The following MAF variants were observed in gnomAD, a reference collection of about 807,000 sequenced individuals.
MAF encodes MAF bZIP transcription factor, also known as transcription factor Maf.
MAF carries 10 observed loss-of-function variants against 22.0 expected under a neutral mutation model. The observed-to-expected ratio is 0.45, with a 90% CI of 0.28 to 0.77. The LOEUF is 0.77. Among genes scored for constraint, MAF ranks in the 30% least tolerant of loss-of-function variants. MAF has a pLI of 0.12. For missense variants in MAF, 544 were observed against 548.4 expected (o/e 0.99, Z 0.08); for synonymous variants, 337 against 255.8 (o/e 1.32, Z -3.03).
At chr16:79,455,025 G>A in the MAF span, among the ~76,000 whole-genome samples, 1 of 151,784 alleles carries the variant, frequency 6.6e-6, no homozygotes, top group African/African-American at 2.4e-5. Context: ...GGACCCGGGA[G>A]GTGGAGGTTG....
chr16:79,461,194 G>A, the MAF span, among the ~76,000 whole-genome samples: 1 of 152,310 alleles, frequency 6.6e-6, no homozygotes, highest in Non-Finnish European at 1.5e-5. Flanking sequence ...GCAGATGGCT[G>A]TAGGATTTTG....
the MAF span, among the ~76,000 whole-genome samples, chr16:79,524,344 T>C: frequency 9.2e-5 from 14 of 152,332 alleles, no homozygotes; most frequent in Admixed American, 7.2e-4. Flanking sequence ...AACGCCTTCC[T>C]CTGGGACTGG....
chr16:79,522,186 G>A, the MAF span, among the ~76,000 whole-genome samples: 1 of 152,170 alleles, frequency 6.6e-6, no homozygotes, highest in African/African-American at 2.4e-5. Context: ...GGAGAGCCTG[G>A]GTTGAGATCA....
the MAF span, among the ~76,000 whole-genome samples, chr16:79,332,601 C>T: frequency 3.3e-5 from 5 of 152,190 alleles, no homozygotes; most frequent in Non-Finnish European, 7.4e-5. Flanking sequence ...GCCTGACTCA[C>T]AATAATAATT....
At chr16:79,453,256 C>A in the MAF span, among the ~76,000 whole-genome samples, 1 of 152,172 alleles carries the variant, frequency 6.6e-6, no homozygotes, top group Non-Finnish European at 1.5e-5. Flanking sequence ...AGGGACCAAT[C>A]CCATCTCTCC....
At chr16:79,559,255 G>A in the MAF span, among the ~76,000 whole-genome samples, 1 of 152,112 alleles carries the variant, frequency 6.6e-6, no homozygotes, top group Non-Finnish European at 1.5e-5. Context: ...TCATTAGAAT[G>A]AACCACTGTT....
chr16:79,479,474 G>A, the MAF span, among the ~76,000 whole-genome samples: 1 of 152,184 alleles, frequency 6.6e-6, no homozygotes, highest in African/African-American at 2.4e-5. Flanking sequence ...TCATTTCTGT[G>A]GTTCTGTACT....
At chr16:79,260,463 C>CTATCTATATCTA in the MAF span, among the ~76,000 whole-genome samples, 57,072 of 145,166 alleles carry the variant, frequency 0.39, 11,646 homozygotes, top group Non-Finnish European at 0.44. Flanking sequence ...ATGTATCTAT[C>CTATCTATATCTA]TATCTATATC....
the MAF span, among the ~76,000 whole-genome samples, chr16:79,240,181 T>G: frequency 6.6e-6 from 1 of 151,686 alleles, no homozygotes; most frequent in East Asian, 1.9e-4. Context: ...GAAAATTAAC[T>G]TGGGGATACT....
the MAF span, among the ~76,000 whole-genome samples, chr16:79,466,624 G>A: frequency 2.6e-5 from 4 of 152,178 alleles, no homozygotes; most frequent in Non-Finnish European, 5.9e-5. Context: ...AAGATTTTTG[G>A]AATGCATGTA....
chr16:79,593,746 T>C (rs1356015001), downstream of MAF: 1 of 171,402 alleles, frequency 5.8e-6, no homozygotes, highest in Non-Finnish European at 1.3e-5. Flanking sequence ...AAGGGAAACA[T>C]GCAAGAAGCC....
At chr16:79,443,384 A>G in the MAF span, among the ~76,000 whole-genome samples, 1 of 152,144 alleles carries the variant, frequency 6.6e-6, no homozygotes, top group African/African-American at 2.4e-5. Flanking sequence ...CATCACCTCC[A>G]GGCCATATCT....
At chr16:79,269,206 G>A in the MAF span, among the ~76,000 whole-genome samples, 1 of 152,158 alleles carries the variant, frequency 6.6e-6, no homozygotes, top group South Asian at 2.1e-4. Flanking sequence ...ACGTGGAATG[G>A]AAGCTGGATG....
chr16:79,554,621 G>T, the MAF span, among the ~76,000 whole-genome samples: 48 of 152,232 alleles, frequency 3.2e-4, no homozygotes, highest in Admixed American at 2.0e-3. Context: ...GCGGCCCAGT[G>T]ACCCCATTAC....
chr16:79,271,493 C>G, the MAF span, among the ~76,000 whole-genome samples: 2 of 152,200 alleles, frequency 1.3e-5, no homozygotes, highest in Non-Finnish European at 2.9e-5. Flanking sequence ...TGTTGAATTA[C>G]CTGCTCTCCA....
the MAF span, among the ~76,000 whole-genome samples, chr16:79,365,066 A>T: frequency 1.3e-5 from 2 of 152,138 alleles, no homozygotes; most frequent in African/African-American, 4.8e-5. Context: ...ATGGTTTCTG[A>T]TTGGTTAAAC....
the MAF span, among the ~76,000 whole-genome samples, chr16:79,280,502 A>G: frequency 6.6e-6 from 1 of 152,260 alleles, no homozygotes; most frequent in African/African-American, 2.4e-5. Flanking sequence ...TGCACAGGCC[A>G]GCTTGGGGGG....
the MAF span, among the ~76,000 whole-genome samples, chr16:79,286,054 T>A: frequency 6.6e-6 from 1 of 152,198 alleles, no homozygotes; most frequent in African/African-American, 2.4e-5. Context: ...TGATAACAGT[T>A]CCTACCTAAT....
the MAF span, among the ~76,000 whole-genome samples, chr16:79,338,942 C>T: frequency 6.6e-6 from 1 of 152,232 alleles, no homozygotes; most frequent in Non-Finnish European, 1.5e-5. Flanking sequence ...AGAAGGGACA[C>T]ATTCATCAGT....
Sources: gnomAD v4.1 joint callset for allele counts (sites outside exome capture counted in the v4.1 genomes callset) on GRCh38, gnomAD v4.1.1 for gene constraint, MANE v1.5 for transcripts, NCBI Gene and HGNC (gene_info 2026-07-23, HGNC 2026-07-21) for gene names.